Variants in AUTS2 observed in about 807,000 individuals in gnomAD.
AUTS2 encodes the protein activator of transcription and developmental regulator AUTS2.
Under a neutral mutation model 112.4 loss-of-function variants are expected in AUTS2, and 17 were observed. The ratio of observed to expected loss-of-function variants is 0.15; its 90% CI spans 0.10 to 0.23. The LOEUF is 0.23. Ranked by LOEUF, AUTS2 falls within the 10% of genes least tolerant of loss-of-function variation. The probability of loss-of-function intolerance (pLI) is 1.00; values close to 1 mark genes in which losing one functional copy is unlikely to be tolerated. For synonymous variants in AUTS2, 751 were observed against 702.7 expected, an observed-to-expected ratio of 1.07 and a Z score of -1.09; for missense variants, 1,510 against 1,701.6, an observed-to-expected ratio of 0.89 and a Z score of 1.98.
chr7:70,554,393 C>CTTTTTTTTTTTTT (rs34757734), intron 5 of AUTS2, among the ~76,000 whole-genome samples: 6 of 116,046 alleles, frequency 5.2e-5, no homozygotes, highest in Non-Finnish European at 8.7e-5. Context: ...TCTTTTCTTT[C>CTTTTTTTTTTTTT]TTTTTTTTTT....
intron 5 of AUTS2, among the ~76,000 whole-genome samples, chr7:70,643,343 T>A (rs570203721): frequency 6.6e-6 from 1 of 152,154 alleles, no homozygotes; most frequent in Admixed American, 6.5e-5. Context: ...GAGGCCGAGG[T>A]GGGCAGATCA....
chr7:70,313,312 T>A (rs1789844086), intron 4 of AUTS2, among the ~76,000 whole-genome samples: 1 of 152,188 alleles, frequency 6.6e-6, no homozygotes, highest in Admixed American at 6.5e-5. Flanking sequence ...TCATAAGTGC[T>A]CTGAAGCTAC....
chr7:70,441,701 C>G (rs1174720084), intron 5 of AUTS2, among the ~76,000 whole-genome samples: 1 of 152,176 alleles, frequency 6.6e-6, no homozygotes, highest in African/African-American at 2.4e-5. Context: ...TTTTTAAATT[C>G]ATGCTAAAAG....
At chr7:70,539,804 T>C (rs35614840) in intron 5 of AUTS2, among the ~76,000 whole-genome samples, 12,929 of 152,086 alleles carry the variant, frequency 0.085, 638 homozygotes, top group African/African-American at 0.12. Context: ...CACTCTGGTG[T>C]CTGCTGTGCG....
intron 1 of AUTS2, among the ~76,000 whole-genome samples, chr7:69,648,717 T>C (rs190043147): frequency 4.6e-5 from 7 of 152,296 alleles, no homozygotes; most frequent in Non-Finnish European, 1.0e-4. Flanking sequence ...CACAGTCATG[T>C]AGGGGGAGGA....
chr7:70,527,662 A>G (rs1395758066), intron 5 of AUTS2, among the ~76,000 whole-genome samples: 1 of 152,254 alleles, frequency 6.6e-6, no homozygotes, highest in Non-Finnish European at 1.5e-5. Flanking sequence ...ACTGGTCTAC[A>G]TAAATAGCAC....
intron 1 of AUTS2, among the ~76,000 whole-genome samples, chr7:69,720,576 A>G (rs986951867): frequency 3.9e-5 from 6 of 152,202 alleles, no homozygotes; most frequent in African/African-American, 1.2e-4. Context: ...TTTATCTTTT[A>G]AGTAAATTCA....
At chr7:69,894,267 T>G (rs1212829734) in intron 1 of AUTS2, among the ~76,000 whole-genome samples, 6 of 117,886 alleles carry the variant, frequency 5.1e-5, no homozygotes, top group African/African-American at 1.8e-4. Flanking sequence ...TTTTTTTTTT[T>G]TTTTTTTTTT....
At chr7:70,096,185 C>A (rs1342420134) in intron 2 of AUTS2, among the ~76,000 whole-genome samples, 1 of 152,108 alleles carries the variant, frequency 6.6e-6, no homozygotes, top group Non-Finnish European at 1.5e-5. Context: ...TTTGAAAACA[C>A]TTCATTAAAG....
chr7:70,669,185 G>A (rs1469651789), intron 5 of AUTS2, among the ~76,000 whole-genome samples: 1 of 152,222 alleles, frequency 6.6e-6, no homozygotes, highest in Non-Finnish European at 1.5e-5. Flanking sequence ...TCTGAGGTGA[G>A]GACAACAGCC....
At chr7:70,681,297 G>A (rs1019029476) in intron 5 of AUTS2, among the ~76,000 whole-genome samples, 1 of 152,150 alleles carries the variant, frequency 6.6e-6, no homozygotes, top group Non-Finnish European at 1.5e-5. Context: ...TGAGGGAGGA[G>A]TAGGGCCCTG....
chr7:69,910,873 G>T (rs537995310), intron 2 of AUTS2, among the ~76,000 whole-genome samples: 1 of 152,098 alleles, frequency 6.6e-6, no homozygotes, highest in Non-Finnish European at 1.5e-5. Flanking sequence ...TGATCCGCCC[G>T]CCTCGGCCTC....
At chr7:69,829,307 A>G (rs1791394340) in intron 1 of AUTS2, among the ~76,000 whole-genome samples, 1 of 152,240 alleles carries the variant, frequency 6.6e-6, no homozygotes, top group African/African-American at 2.4e-5. Context: ...AAACCTAGGC[A>G]GTACCATTCA....
intron 1 of AUTS2, among the ~76,000 whole-genome samples, chr7:69,854,134 C>T (rs1449951485): frequency 1.3e-5 from 2 of 152,066 alleles, no homozygotes; most frequent in African/African-American, 2.4e-5. Context: ...ACCCTAATAC[C>T]GATTATAAGT....
chr7:69,908,072 A>T (rs1250022601), intron 2 of AUTS2, among the ~76,000 whole-genome samples: 8 of 152,248 alleles, frequency 5.3e-5, no homozygotes, highest in Admixed American at 4.6e-4. Context: ...TTAAATATGA[A>T]TATAGATACA....
chr7:70,348,558 A>G (rs1791600664), intron 4 of AUTS2, among the ~76,000 whole-genome samples: 1 of 152,060 alleles, frequency 6.6e-6, no homozygotes, highest in Non-Finnish European at 1.5e-5. Flanking sequence ...TAATCCCAGC[A>G]CTTTGGGAGG....
At chr7:69,853,839 A>G (rs1172416043) in intron 1 of AUTS2, among the ~76,000 whole-genome samples, 15 of 152,190 alleles carry the variant, frequency 9.9e-5, no homozygotes, top group Admixed American at 9.8e-4. Context: ...TTAAAATTAA[A>G]AAAAATTATT....
At chr7:69,862,377 A>G (rs1584355402) in intron 1 of AUTS2, among the ~76,000 whole-genome samples, 1 of 152,322 alleles carries the variant, frequency 6.6e-6, no homozygotes, top group East Asian at 1.9e-4. Context: ...ATGAAAACGA[A>G]CCCACAAATG....
chr7:70,338,126 TTCAGAA>T (rs1313001932), intron 4 of AUTS2, among the ~76,000 whole-genome samples: 4 of 152,342 alleles, frequency 2.6e-5, no homozygotes, highest in African/African-American at 9.6e-5. Flanking sequence ...TATTTACATG[TTCAGAA>T]TACTTGTAAT....
Sources: gnomAD v4.1 joint callset for allele counts (sites outside exome capture counted in the v4.1 genomes callset) on GRCh38, gnomAD v4.1.1 for gene constraint, MANE v1.5 for transcripts, NCBI Gene and HGNC (gene_info 2026-07-23, HGNC 2026-07-21) for gene names.